The following ZNRF3 variants were observed in gnomAD, a reference collection of about 807,000 sequenced individuals.
The protein encoded by ZNRF3 is E3 ubiquitin-protein ligase ZNRF3.
ZNRF3 carries 23 observed loss-of-function variants against 72.5 expected under a neutral mutation model. The observed-to-expected ratio is 0.32, with a 90% CI of 0.23 to 0.45. The LOEUF (loss-of-function observed/expected upper bound fraction) is 0.45. Ranked by LOEUF, ZNRF3 falls within the 20% of genes least tolerant of loss-of-function variation. ZNRF3 has a pLI of 1.00. For missense variants in ZNRF3, 1,169 were observed against 1,272.1 expected, an observed-to-expected ratio of 0.92 and a Z score of 1.23; for synonymous variants, 610 against 545.3, an observed-to-expected ratio of 1.12 and a Z score of -1.65.
At chr22:28,943,353 C>T (rs745875710) in intron 1 of ZNRF3, among the ~76,000 whole-genome samples, 14 of 152,184 alleles carry the variant, frequency 9.2e-5, no homozygotes, top group Middle Eastern at 3.2e-3. Flanking sequence ...GATCCTTTGA[C>T]GATGACCTCT....
intron 1 of ZNRF3, among the ~76,000 whole-genome samples, chr22:28,937,215 A>T (rs6005944): frequency 0.23 from 1,529 of 6,618 alleles, 42 homozygotes; most frequent in Non-Finnish European, 0.34. Flanking sequence ...ATATATATAT[A>T]TTTTTTTTTT....
chr22:28,910,847 T>C (rs1043493609), intron 1 of ZNRF3, among the ~76,000 whole-genome samples: 1 of 152,214 alleles, frequency 6.6e-6, no homozygotes, highest in African/African-American at 2.4e-5. Flanking sequence ...TCCTGCTGGC[T>C]CTTGCTATGG....
chr22:28,976,089 C>G (rs1321455463), intron 1 of ZNRF3, among the ~76,000 whole-genome samples: 1 of 152,176 alleles, frequency 6.6e-6, no homozygotes, highest in Non-Finnish European at 1.5e-5. Context: ...TACATTAGTA[C>G]TTTCTGCCCC....
chr22:28,983,292 A>T (rs1462351432), intron 1 of ZNRF3, among the ~76,000 whole-genome samples: 1 of 145,178 alleles, frequency 6.9e-6, no homozygotes, highest in East Asian at 2.2e-4. Flanking sequence ...TGGCAATGAA[A>T]TGTGGCCCAG....
intron 2 of ZNRF3, among the ~76,000 whole-genome samples, chr22:29,008,029 T>A (rs546743831): frequency 1.6e-4 from 24 of 152,142 alleles, no homozygotes; most frequent in Non-Finnish European, 2.5e-4. Context: ...GTGCTGGGAT[T>A]ACAGGCATGA....
chr22:28,997,603 G>T (rs1158180463), intron 2 of ZNRF3, among the ~76,000 whole-genome samples: 1 of 152,148 alleles, frequency 6.6e-6, no homozygotes, highest in Non-Finnish European at 1.5e-5. Context: ...AAGCTGAACA[G>T]CTGAGGTGCA....
At chr22:28,997,291 A>G (rs2036060529) in intron 2 of ZNRF3, among the ~76,000 whole-genome samples, 1 of 151,800 alleles carries the variant, frequency 6.6e-6, no homozygotes, top group African/African-American at 2.4e-5. Context: ...GACTGACGGT[A>G]TCGTACCTTC....
chr22:29,035,357 A>G (rs751737349), intron 2 of ZNRF3, among the ~76,000 whole-genome samples: 20 of 152,252 alleles, frequency 1.3e-4, no homozygotes, highest in Non-Finnish European at 1.9e-4. Flanking sequence ...AGCACTGTTT[A>G]TAACAGAGAA....
At chr22:29,021,741 A>C (rs2036544595) in intron 2 of ZNRF3, among the ~76,000 whole-genome samples, 1 of 150,506 alleles carries the variant, frequency 6.6e-6, no homozygotes, top group East Asian at 1.9e-4. Flanking sequence ...ACCCACCTCG[A>C]CCTCCCAAAG....
intron 1 of ZNRF3, among the ~76,000 whole-genome samples, chr22:28,980,933 G>T (rs1242146913): frequency 6.6e-6 from 1 of 151,972 alleles, no homozygotes; most frequent in East Asian, 1.9e-4. Context: ...AAAATAATAA[G>T]GCAAAAACAT....
intron 2 of ZNRF3, among the ~76,000 whole-genome samples, chr22:28,991,923 G>T (rs892347886): frequency 6.6e-5 from 10 of 152,068 alleles, no homozygotes; most frequent in African/African-American, 2.2e-4. Flanking sequence ...CAGGAGAGCT[G>T]CTTGAGGCCA....
chr22:28,899,255 A>G (rs2034059658), intron 1 of ZNRF3, among the ~76,000 whole-genome samples: 1 of 152,142 alleles, frequency 6.6e-6, no homozygotes, highest in African/African-American at 2.4e-5. Flanking sequence ...GGCAGTGGTA[A>G]TTTTTGCATT....
intron 2 of ZNRF3, among the ~76,000 whole-genome samples, chr22:29,005,146 G>A (rs1009469613): frequency 6.6e-6 from 1 of 152,192 alleles, no homozygotes; most frequent in Non-Finnish European, 1.5e-5. Flanking sequence ...TGCTTCAAAG[G>A]GAACCTTTCC....
At position 29,049,779 on chromosome 22, in the gene ZNRF3, A is replaced by G. The variant is rs1157956367; in HGVS notation, c.1598A>G (p.His533Arg). 1.3e-6 allele frequency: 2 copies of G among 1,599,556 alleles called. No individual in the cohort carries two copies. The highest frequency in any genetic ancestry group is 1.7e-5 in the Admixed American group (1 of 59,312). Residue 533 changes from histidine to arginine, a missense_variant, in exon 8 of 9, where the codon CAC becomes CGC. By Grantham distance (29) the His-to-Arg change is conservative. This residue lies in a region of ZNRF3 where 783 missense variants were observed against 731.4 expected (regional missense o/e 1.07). Coordinates refer to ENST00000544604, the MANE Select transcript of ZNRF3 (RefSeq NM_001206998.2). The surrounding 1 kb of genome is among the most constrained non-coding windows in gnomAD (Gnocchi z 5.2). ...SGSTSSFSCYHGHRSVCSGYL... is the reference protein window; with the variant it reads ...SGSTSSFSCYRGHRSVCSGYL... Reference sequence around the variant, plus strand: ...AGCACGTCCAGCTTCAGCTGCTATCACGGCCACCGCTCGGTGTGCAGTGGC... The same window carrying G: ...AGCACGTCCAGCTTCAGCTGCTATCGCGGCCACCGCTCGGTGTGCAGTGGC...
intron 1 of ZNRF3, among the ~76,000 whole-genome samples, chr22:28,950,979 C>A (rs1342875468): frequency 1.3e-5 from 2 of 152,228 alleles, no homozygotes; most frequent in Non-Finnish European, 2.9e-5. Context: ...TCATTTTACA[C>A]CTCATTTTTC....
chr22:28,949,597 C>T (rs1189118345), intron 1 of ZNRF3, among the ~76,000 whole-genome samples: 1 of 152,130 alleles, frequency 6.6e-6, no homozygotes, highest in African/African-American at 2.4e-5. Flanking sequence ...CATTTGTTCC[C>T]AACAGAAAAG....
At chr22:28,924,382 A>C (rs1224141941) in intron 1 of ZNRF3, among the ~76,000 whole-genome samples, 6 of 152,148 alleles carry the variant, frequency 3.9e-5, no homozygotes, top group Non-Finnish European at 7.3e-5. Flanking sequence ...TGAAATACTG[A>C]AAGTGCTTTC....
intron 1 of ZNRF3, among the ~76,000 whole-genome samples, chr22:28,923,303 GCCCCT>G (rs1413236740): frequency 6.6e-6 from 1 of 152,072 alleles, no homozygotes; most frequent in Non-Finnish European, 1.5e-5. Flanking sequence ...TGCCGCTAAT[GCCCCT>G]CCCCATGCAG....
intron 2 of ZNRF3, among the ~76,000 whole-genome samples, chr22:29,037,294 A>C (rs1446981797): frequency 6.6e-6 from 1 of 152,188 alleles, no homozygotes; most frequent in Non-Finnish European, 1.5e-5. Context: ...TCCTGAGTGG[A>C]ATTCCTGGTA....
Sources: gnomAD v4.1 joint callset for allele counts (sites outside exome capture counted in the v4.1 genomes callset) on GRCh38, gnomAD v4.1.1 for gene constraint, gnomAD v4.1.1 regional missense constraint, Gnocchi (gnomAD v3.1) non-coding constraint, MANE v1.5 for transcripts, NCBI Gene and HGNC (gene_info 2026-07-23, HGNC 2026-07-21) for gene names.